FAT3: variants seen among roughly 807,000 people sequenced by gnomAD.
The protein encoded by FAT3 is protocadherin Fat 3.
FAT3 carries 95 observed loss-of-function variants against 310.2 expected under a neutral mutation model. That is an observed-to-expected ratio of 0.31 (90% CI 0.26 to 0.36). The LOEUF (loss-of-function observed/expected upper bound fraction) is 0.36, where lower values mean the gene tolerates loss of function less well. Ranked by LOEUF, FAT3 falls within the 10% of genes least tolerant of loss-of-function variation. The pLI is 1.00. For synonymous variants in FAT3, 2,314 were observed against 2,192.9 expected (o/e 1.06, Z -1.54); for missense variants, 5,408 against 5,715.6 (o/e 0.95, Z 1.74).
chr11:92,790,505 T>C (rs1565595429), intron 8 of FAT3, among the ~76,000 whole-genome samples: 2 of 152,214 alleles, frequency 1.3e-5, no homozygotes, highest in Non-Finnish European at 2.9e-5. Context: ...GAACAGGTCA[T>C]GTTCCCAGGC....
chr11:92,371,037 T>C (rs1949172413), intron 2 of FAT3, among the ~76,000 whole-genome samples: 1 of 152,214 alleles, frequency 6.6e-6, no homozygotes, highest in Non-Finnish European at 1.5e-5. Context: ...TAAGATGGAT[T>C]TCCTGATATG....
At chr11:92,239,559 G>T (rs1864583751) in intron 1 of FAT3, among the ~76,000 whole-genome samples, 2 of 152,070 alleles carry the variant, frequency 1.3e-5, no homozygotes, top group African/African-American at 4.8e-5. Context: ...CCCTGCCTGA[G>T]TAATTTATCA....
At chr11:92,760,448 G>T (rs867155563) in intron 4 of FAT3, among the ~76,000 whole-genome samples, 1 of 152,124 alleles carries the variant, frequency 6.6e-6, no homozygotes, top group Non-Finnish European at 1.5e-5. Flanking sequence ...GATGTTGAGC[G>T]CATCTTTATG....
At chr11:92,359,748 C>A (rs995113434) in intron 2 of FAT3, among the ~76,000 whole-genome samples, 1 of 141,616 alleles carries the variant, frequency 7.1e-6, no homozygotes, top group East Asian at 2.0e-4. Context: ...TTTGTTCTTG[C>A]GATAGTTTAC....
intron 22 of FAT3, among the ~76,000 whole-genome samples, chr11:92,870,428 A>G (rs1477936940): frequency 2.0e-5 from 3 of 152,256 alleles, no homozygotes; most frequent in East Asian, 3.9e-4. Context: ...ATATGACTCT[A>G]TAAACCAACC....
chr11:92,311,569 A>T (rs376336465), intron 1 of FAT3, among the ~76,000 whole-genome samples: 44 of 152,344 alleles, frequency 2.9e-4, no homozygotes, highest in African/African-American at 1.0e-3. Flanking sequence ...ATATTGATGC[A>T]TCCACTTAAA....
intron 3 of FAT3, among the ~76,000 whole-genome samples, chr11:92,540,699 G>C (rs1954418969): frequency 6.6e-6 from 1 of 152,060 alleles, no homozygotes; most frequent in African/African-American, 2.4e-5. Flanking sequence ...GTTCATGCTT[G>C]GTGCCCTTGT....
intron 3 of FAT3, among the ~76,000 whole-genome samples, chr11:92,692,038 A>G (rs1374220580): frequency 1.3e-5 from 2 of 152,192 alleles, no homozygotes; most frequent in Non-Finnish European, 2.9e-5. Context: ...GGTAGAAATC[A>G]GGATGGGAGA....
At chr11:92,506,599 T>G (rs1381183168) in intron 2 of FAT3, among the ~76,000 whole-genome samples, 2 of 152,158 alleles carry the variant, frequency 1.3e-5, no homozygotes, top group African/African-American at 2.4e-5. Flanking sequence ...TTCACAGAAG[T>G]CCAGATTTCA....
At chr11:92,531,424 C>G (rs1160228225) in intron 3 of FAT3, among the ~76,000 whole-genome samples, 1 of 151,786 alleles carries the variant, frequency 6.6e-6, no homozygotes, top group Non-Finnish European at 1.5e-5. Flanking sequence ...CATGGGGTTC[C>G]AAGGATGTGG....
intron 3 of FAT3, among the ~76,000 whole-genome samples, chr11:92,560,492 T>TA (rs5793607): frequency 0.39 from 59,147 of 151,768 alleles, 12,255 homozygotes; most frequent in Middle Eastern, 0.53. Context: ...CTTTTGCGTC[T>TA]AACAGCCCAT....
At chr11:92,424,714 T>C (rs1456833478) in intron 2 of FAT3, among the ~76,000 whole-genome samples, 3 of 152,166 alleles carry the variant, frequency 2.0e-5, no homozygotes, top group Non-Finnish European at 4.4e-5. Context: ...TTATCACTTC[T>C]TTTTTATTGA....
rs887487536 is a variant in FAT3 at position 92,447,226 on chromosome 11, T to C, written c.3293-77408T>C. On this transcript the variant is annotated intron_variant, in intron 2 of 27. Transcript: ENST00000525166. ...ATATGTGTATGTATATGTGTGCGTGTGTGTGTGTGTGTGTGTGTGTGTGTG... is the reference window on the plus strand; with the variant it reads ...ATATGTGTATGTATATGTGTGCGTGCGTGTGTGTGTGTGTGTGTGTGTGTG... 1.8e-4 allele frequency among the ~76,000 whole-genome samples: 26 copies of C among 140,904 alleles called. 1 individual carries two copies. The highest frequency in any genetic ancestry group is 1.7e-3 in the East Asian group (8 of 4,602). 92.4% of individuals were successfully genotyped at this position (140,904 alleles called of 152,430 possible). A position where few individuals can be genotyped will look rare whatever the true frequency, so the allele number is the denominator to read the frequency against.
chr11:92,540,482 A>G (rs1954410282), intron 3 of FAT3, among the ~76,000 whole-genome samples: 1 of 152,174 alleles, frequency 6.6e-6, no homozygotes, highest in Admixed American at 6.6e-5. Flanking sequence ...TTAAAAGCCT[A>G]CTTTTTTGGA....
intron 2 of FAT3, among the ~76,000 whole-genome samples, chr11:92,448,667 G>A (rs1431282332): frequency 2.0e-5 from 3 of 152,140 alleles, no homozygotes; most frequent in African/African-American, 7.2e-5. Flanking sequence ...TGGAGTTTTT[G>A]ATAGGTCTGG....
At chr11:92,423,498 G>A (rs942300161) in intron 2 of FAT3, among the ~76,000 whole-genome samples, 1 of 152,110 alleles carries the variant, frequency 6.6e-6, no homozygotes, top group Non-Finnish European at 1.5e-5. Context: ...TATCATCCAC[G>A]ATGTGTTTCT....
At chr11:92,356,938 G>T (rs945274685) in intron 2 of FAT3, among the ~76,000 whole-genome samples, 3 of 152,086 alleles carry the variant, frequency 2.0e-5, no homozygotes, top group African/African-American at 7.2e-5. Flanking sequence ...TGTATACATA[G>T]GCTCTAATTA....
intron 24 of FAT3, among the ~76,000 whole-genome samples, chr11:92,884,059 G>T (rs189701162): frequency 8.3e-6 from 1 of 120,184 alleles, no homozygotes; most frequent in Non-Finnish European, 1.9e-5. Flanking sequence ...GGTGGTCTGG[G>T]CCAGATGGAG....
intron 19 of FAT3, among the ~76,000 whole-genome samples, chr11:92,851,391 C>T (rs1342470938): frequency 6.6e-6 from 1 of 152,122 alleles, no homozygotes; most frequent in Non-Finnish European, 1.5e-5. Context: ...TATAAAGAAT[C>T]ATTATCTTAA....
Sources: allele counts gnomAD v4.1 joint callset (sites outside exome capture counted in the v4.1 genomes callset), GRCh38; gene constraint gnomAD v4.1.1; transcripts MANE v1.5; gene names NCBI Gene and HGNC (gene_info 2026-07-23, HGNC 2026-07-21).